Variants in TDRD7 observed in about 807,000 individuals in gnomAD.
TDRD7 encodes the protein tudor domain-containing protein 7.
Under a neutral mutation model 109.8 loss-of-function variants are expected in TDRD7, and 47 were observed. The ratio of observed to expected loss-of-function variants is 0.43; its 90% CI spans 0.34 to 0.55. TDRD7 has a LOEUF of 0.55. Ranked by LOEUF, TDRD7 falls within the 20% of genes least tolerant of loss-of-function variation. TDRD7 has a pLI of 0.03. For missense variants in TDRD7, 1,164 were observed against 1,319.2 expected (o/e 0.88, Z 1.82); for synonymous variants, 424 against 457.3 (o/e 0.93, Z 0.93).
At position 97,495,672 on chromosome 9, in the gene TDRD7, G is replaced by A; in HGVS notation, c.3086G>A (p.Cys1029Tyr). The A allele has an allele frequency of 6.2e-7, 1 of 1,614,086 alleles. No individual in the cohort carries two copies. The highest frequency in any genetic ancestry group is 2.2e-5 in the East Asian group (1 of 44,882). ...CCTCTCTTCCTCCTAGGAGTGAAGT[G>A]CAACCAGTGGTCTGAGGAGGCTTCT... ...AVTAQLAGVK[C>Y]NQWSEEASMV... Residue 1029 changes from cysteine (C) to tyrosine (Y), a missense_variant, in exon 17 of 17, where the codon TGC (cysteine) becomes TAC (tyrosine). Physicochemically the swap from Cys to Tyr is radical, Grantham distance 194. Around this residue, in one of 5 missense-constraint regions of TDRD7, gnomAD observed 162 missense variants for 222.5 expected, o/e 0.73. Transcript: ENST00000355295.
At chr9:97,479,776 C>A (rs1290677069) in intron 13 of TDRD7, among the ~76,000 whole-genome samples, 1 of 152,040 alleles carries the variant, frequency 6.6e-6, no homozygotes, top group African/African-American at 2.4e-5. Flanking sequence ...GAACTGGTTG[C>A]CAGGATTTTA....
intron 6 of TDRD7, among the ~76,000 whole-genome samples, chr9:97,459,221 G>A (rs939119588): frequency 6.6e-6 from 1 of 152,216 alleles, no homozygotes; most frequent in Non-Finnish European, 1.5e-5. Context: ...TTATTCAACT[G>A]TGTCACTGTA....
At position 97,460,653 on chromosome 9, in the gene TDRD7, G is replaced by T; in HGVS notation, c.1331G>T (p.Ser444Ile). 1 of 1,614,168 alleles carries T rather than the reference G, an allele frequency of 6.2e-7. No homozygotes were observed. Among genetic ancestry groups the T allele is most frequent in the Non-Finnish European group, 8.5e-7 (1 of 1,180,014 alleles). ...YLQVEESIAE[S>I]ANTFMEDITV... ...CAGGTAGAAGAAAGCATTGCTGAAA[G>T]TGCTAATACCTTTATGGAGGACATA... The change falls in exon 7 of 17, where the codon AGT (serine) becomes ATT (isoleucine). Residue 444 changes from serine (S) to isoleucine (I), a missense_variant. Physicochemically the swap from Ser to Ile is moderately radical, Grantham distance 142 (BLOSUM62 -2). This residue lies in a region of TDRD7 where 407 missense variants were observed against 394.0 expected (regional missense o/e 1.03). Transcript: ENST00000355295.
intron 1 of TDRD7, 126 bp from the exon 2 acceptor site, chr9:97,428,334 A>G (rs1828038231): frequency 5.2e-6 from 5 of 963,488 alleles, no homozygotes; most frequent in Non-Finnish European, 6.4e-6. Flanking sequence ...TTGTTTCCCC[A>G]TATTGTAATT....
intron 5 of TDRD7, 38 bp from the exon 6 acceptor site, chr9:97,441,620 A>G: frequency 6.6e-7 from 1 of 1,508,476 alleles, no homozygotes. Context: ...TAAAATGTTA[A>G]GCATTTTGGT....
chr9:97,487,420 C>T (rs920344276), intron 16 of TDRD7, 88 bp downstream of exon 16: 22 of 1,576,118 alleles, frequency 1.4e-5, no homozygotes, highest in Middle Eastern at 1.7e-4. Flanking sequence ...AATCATTGGC[C>T]TCTTGAGTTT....
At chr9:97,491,547 G>C (rs1465147640) in intron 16 of TDRD7, among the ~76,000 whole-genome samples, 1 of 152,184 alleles carries the variant, frequency 6.6e-6, no homozygotes, top group African/African-American at 2.4e-5. Flanking sequence ...ATGTGTGTCT[G>C]GGGTGTGAGG....
rs533321974 is a variant in TDRD7, at chr9:97,472,282, A to G, written c.1742-11A>G. 12 of 1,611,996 alleles carry G rather than the reference A, an allele frequency of 7.4e-6. No individual in the cohort carries two copies. The highest frequency in any genetic ancestry group is 6.7e-5 in the East Asian group (3 of 44,840). On this transcript the variant is annotated splice_polypyrimidine_tract_variant and intron_variant, in intron 9 of 16. Transcript: ENST00000355295. Reference sequence around the variant, plus strand: ...AATTAAGTAGAAATTAAAAGATTCAATATTTTTCAGGCTTGGAAGTCCTAA... The same window carrying G: ...AATTAAGTAGAAATTAAAAGATTCAGTATTTTTCAGGCTTGGAAGTCCTAA...
At chr9:97,423,840 G>A (rs1827939170) in intron 1 of TDRD7, among the ~76,000 whole-genome samples, 1 of 152,048 alleles carries the variant, frequency 6.6e-6, no homozygotes. Flanking sequence ...GATACCTAAT[G>A]TAATTTTGTT....
intron 5 of TDRD7, among the ~76,000 whole-genome samples, chr9:97,441,337 G>A (rs192030445): frequency 2.0e-5 from 3 of 152,118 alleles, no homozygotes; most frequent in Admixed American, 1.3e-4. Flanking sequence ...GGTAGAAAAC[G>A]GTTGGTTAAA....
At chr9:97,450,884 G>A (rs974083180) in intron 6 of TDRD7, among the ~76,000 whole-genome samples, 1 of 151,548 alleles carries the variant, frequency 6.6e-6, no homozygotes, top group Non-Finnish European at 1.5e-5. Context: ...AAAATCCAAA[G>A]TGACTCTCCA....
At chr9:97,476,580 T>C (rs1013241987) in intron 12 of TDRD7, among the ~76,000 whole-genome samples, 2 of 142,842 alleles carry the variant, frequency 1.4e-5, no homozygotes. Context: ...AAAAAAAAAC[T>C]AAACAAAAAA....
In TDRD7 at chr9:97,464,829, T is replaced by C. The variant is rs758465347; in HGVS notation, c.1443-13T>C. 5 of 1,614,128 alleles carry C rather than the reference T, an allele frequency of 3.1e-6. No individual in the cohort carries two copies. The highest frequency in any genetic ancestry group is 4.2e-6 in the Non-Finnish European group (5 of 1,179,960). On this transcript the variant is annotated splice_polypyrimidine_tract_variant and intron_variant, in intron 7 of 16. Coordinates refer to ENST00000355295, the MANE Select transcript of TDRD7 (RefSeq NM_014290.3). ...GTTACTTCATTTGCATTCTCTTCTT[T>C]TAACTGATTCAGGTATGTGGGCAAA... is the stretch of plus-strand genomic sequence containing the variant.
chr9:97,475,509 G>A (rs1259758930), intron 12 of TDRD7, 40 bp downstream of exon 12: 1 of 1,408,810 alleles, frequency 7.1e-7, no homozygotes, highest in South Asian at 1.2e-5. Flanking sequence ...TTAACTTATT[G>A]TGAAATATTT....
chr9:97,479,216 A>G (rs1421292606), intron 13 of TDRD7, among the ~76,000 whole-genome samples: 1 of 152,172 alleles, frequency 6.6e-6, no homozygotes, highest in Non-Finnish European at 1.5e-5. Context: ...TTCTGCCATC[A>G]AACTCAGTAA....
rs763537137 is a variant in TDRD7, at chr9:97,441,751, T to C, written c.731T>C (p.Ile244Thr). 3.7e-6 allele frequency: 6 copies of C among 1,613,628 alleles called. No homozygotes were observed. Among genetic ancestry groups the C allele is most frequent in the African/African-American group, 1.3e-5 (1 of 74,878 alleles). ...GAGGTTCAAAATCGCATAAAGGAAA[T>C]ACTAAACAAGCATAACAATGGCATT... ...MDEVQNRIKE[I>T]LNKHNNGIWI... The change falls in exon 6 of 17, where the codon ATA (isoleucine) becomes ACA (threonine). Residue 244 changes from isoleucine (I) to threonine (T), a missense_variant. Coordinates refer to ENST00000355295, the MANE Select transcript of TDRD7 (RefSeq NM_014290.3).
intron 8 of TDRD7, among the ~76,000 whole-genome samples, chr9:97,466,609 C>A (rs1251375175): frequency 6.6e-6 from 1 of 152,140 alleles, no homozygotes; most frequent in African/African-American, 2.4e-5. Context: ...ACACTGTTAA[C>A]AATACAAAGG....
At chr9:97,435,746 C>T (rs931331649) in intron 4 of TDRD7, among the ~76,000 whole-genome samples, 1 of 151,978 alleles carries the variant, frequency 6.6e-6, no homozygotes, top group Non-Finnish European at 1.5e-5. Context: ...TAAGAGAAAT[C>T]TAAATACTAC....
chr9:97,425,356 A>G (rs1413681495), intron 1 of TDRD7, among the ~76,000 whole-genome samples: 1 of 152,118 alleles, frequency 6.6e-6, no homozygotes, highest in Non-Finnish European at 1.5e-5. Context: ...ATTTTTCTAT[A>G]CCTTATCTAT....
Sources: allele counts gnomAD v4.1 joint callset (sites outside exome capture counted in the v4.1 genomes callset), GRCh38; gene constraint gnomAD v4.1.1; regional missense constraint gnomAD v4.1.1; transcripts MANE v1.5; gene names NCBI Gene and HGNC (gene_info 2026-07-23, HGNC 2026-07-21).